Variants in CHN2 observed in about 807,000 individuals in gnomAD.
The protein encoded by CHN2 is chimerin 2.
A neutral mutation model predicts 56.3 loss-of-function variants in CHN2; 35 were observed. The ratio of observed to expected loss-of-function variants is 0.62; its 90% CI spans 0.47 to 0.82. The LOEUF (loss-of-function observed/expected upper bound fraction) is 0.82, where lower values mean the gene tolerates loss of function less well. CHN2 is among the 40% of genes least tolerant of loss of function. The pLI, the probability that CHN2 is intolerant of heterozygous loss-of-function variation, is 0.00. For synonymous variants in CHN2, 210 were observed against 212.8 expected, an observed-to-expected ratio of 0.99 and a Z score of 0.12; for missense variants, 491 against 580.5, an observed-to-expected ratio of 0.85 and a Z score of 1.58.
chr7:29,279,559 A>G (rs1791513678), intron 1 of CHN2, among the ~76,000 whole-genome samples: 1 of 152,250 alleles, frequency 6.6e-6, no homozygotes, highest in South Asian at 2.1e-4. Flanking sequence ...AGGTGCTGTA[A>G]TAGAGGTACA....
chr7:29,462,784 C>G (rs544519241), intron 6 of CHN2, among the ~76,000 whole-genome samples: 19 of 152,010 alleles, frequency 1.2e-4, no homozygotes, highest in African/African-American at 4.3e-4. Flanking sequence ...AATTATTATA[C>G]TTTAAGTTTT....
In CHN2 at chr7:29,321,860, C is replaced by T. The variant is rs996482097; in HGVS notation, c.50-32765C>T. ...GCTGGGATACAGGCGTGAGCCACCG[C>T]GCCCAGCCAAACCCACTTTTCTATA... On this transcript the variant is annotated intron_variant, in intron 1 of 12. Coordinates refer to ENST00000222792, the MANE Select transcript of CHN2 (RefSeq NM_004067.4). Among the ~76,000 whole-genome samples the T allele has an allele frequency of 6.6e-5, 10 of 152,126 alleles. No homozygotes were observed. The East Asian group carries it at 7.7e-4, about 12-fold the overall frequency.
At chr7:29,467,140 G>A (rs1362360) in intron 6 of CHN2, among the ~76,000 whole-genome samples, 15,498 of 152,148 alleles carry the variant, frequency 0.1, 913 homozygotes, top group South Asian at 0.2. Flanking sequence ...ATGTTAGAGC[G>A]TGCACAATAT....
intron 6 of CHN2, among the ~76,000 whole-genome samples, chr7:29,440,947 A>G (rs1189993083): frequency 5.3e-5 from 8 of 152,176 alleles, no homozygotes; most frequent in Non-Finnish European, 8.8e-5. Flanking sequence ...ATAGTTGTAT[A>G]TATTTATGAG....
chr7:29,322,913 A>T (rs1795475240), intron 1 of CHN2, among the ~76,000 whole-genome samples: 1 of 152,162 alleles, frequency 6.6e-6, no homozygotes, highest in African/African-American at 2.4e-5. Context: ...CTATAATCCC[A>T]GCACTTCGGG....
intron 2 of CHN2, among the ~76,000 whole-genome samples, chr7:29,358,612 G>A (rs529207359): frequency 4.1e-4 from 63 of 151,928 alleles, no homozygotes; most frequent in Non-Finnish European, 8.1e-4. Context: ...ACAGGCACCC[G>A]CCACTGCGCC....
chr7:29,308,049 A>G (rs40242), intron 1 of CHN2, among the ~76,000 whole-genome samples: 28,331 of 152,226 alleles, frequency 0.19, 2,808 homozygotes, highest in South Asian at 0.3. Context: ...AATAGTGTCT[A>G]CTGGGTATCT....
chr7:29,291,276 A>G (rs545598309), intron 1 of CHN2, among the ~76,000 whole-genome samples: 3 of 152,242 alleles, frequency 2.0e-5, no homozygotes, highest in Non-Finnish European at 4.4e-5. Context: ...TTTTCTATCT[A>G]TTGGGAGCCA....
rs567660767 is a variant in CHN2, at chr7:29,479,566, C to G, written c.577-713C>G. 4 of 674,874 alleles carry G rather than the reference C, an allele frequency of 5.9e-6. No homozygotes were observed. In the East Asian group the frequency reaches 4.9e-4, roughly 83 times the overall value. The allele number at this position is 674,874 out of a possible 1,614,324, so 41.8% of individuals were successfully genotyped here. On this transcript the variant is annotated intron_variant, in intron 6 of 12. Coordinates refer to ENST00000222792, the MANE Select transcript of CHN2 (RefSeq NM_004067.4). ...CAGATTTTTAATAAAGAGACATAGG[C>G]TTTACCCCTATAAGATTAAACAGTC...
At chr7:29,466,317 G>A (rs947198112) in intron 6 of CHN2, among the ~76,000 whole-genome samples, 1 of 151,952 alleles carries the variant, frequency 6.6e-6, no homozygotes, top group Non-Finnish European at 1.5e-5. Flanking sequence ...TAATTTTCTG[G>A]GTGTAGATAA....
At chr7:29,294,723 T>A (rs1308961698) in intron 1 of CHN2, among the ~76,000 whole-genome samples, 6 of 152,228 alleles carry the variant, frequency 3.9e-5, no homozygotes, top group African/African-American at 1.4e-4. Flanking sequence ...ACCACTTTAT[T>A]TTCCCCACAC....
At chr7:29,429,836 T>C (rs1207146802) in intron 6 of CHN2, among the ~76,000 whole-genome samples, 1 of 152,220 alleles carries the variant, frequency 6.6e-6, no homozygotes, top group African/African-American at 2.4e-5. Flanking sequence ...CTTTTGTGCT[T>C]TATATGGACT....
chr7:29,279,014 C>CT (rs1443669931), intron 1 of CHN2, among the ~76,000 whole-genome samples: 1 of 152,134 alleles, frequency 6.6e-6, no homozygotes, highest in Non-Finnish European at 1.5e-5. Context: ...CAACCCCCAC[C>CT]TTCACTCAGG....
At chr7:29,511,365 A>ATACT (rs1261043926) in intron 12 of CHN2, among the ~76,000 whole-genome samples, 2 of 152,222 alleles carry the variant, frequency 1.3e-5, no homozygotes, top group African/African-American at 2.4e-5. Context: ...TAGCTGTAAA[A>ATACT]TACTTATTGT....
intron 6 of CHN2, among the ~76,000 whole-genome samples, chr7:29,425,089 C>T (rs923391166): frequency 3.3e-5 from 5 of 152,260 alleles, no homozygotes; most frequent in African/African-American, 1.2e-4. Context: ...TAACAACCAT[C>T]TCTATGACAG....
intron 7 of CHN2, among the ~76,000 whole-genome samples, chr7:29,485,936 C>A (rs1309912013): frequency 6.6e-6 from 1 of 152,140 alleles, no homozygotes; most frequent in Non-Finnish European, 1.5e-5. Flanking sequence ...CTTCCTTCTT[C>A]CCGATATGGA....
chr7:29,218,225 CTCTT>C (rs1329765892), intron 1 of CHN2, among the ~76,000 whole-genome samples: 1 of 143,640 alleles, frequency 7.0e-6, no homozygotes, highest in Admixed American at 6.9e-5. Context: ...CAGCATGACT[CTCTT>C]TCCTTCTTAC....
At chr7:29,175,115 C>T (rs1385037724) in intron 2 of CHN2, among the ~76,000 whole-genome samples, 2 of 151,872 alleles carry the variant, frequency 1.3e-5, no homozygotes, top group East Asian at 1.9e-4. Flanking sequence ...GGAGTGCTTC[C>T]CCCATACTGT....
chr7:29,150,792 G>A (rs245887), intron 2 of CHN2, among the ~76,000 whole-genome samples: 82,234 of 151,576 alleles, frequency 0.54, 22,753 homozygotes, highest in African/African-American at 0.66. Context: ...TCTTCAATGG[G>A]GCCACCGGGT....
Sources: allele counts gnomAD v4.1 joint callset (sites outside exome capture counted in the v4.1 genomes callset), GRCh38; gene constraint gnomAD v4.1.1; transcripts MANE v1.5; gene names NCBI Gene and HGNC (gene_info 2026-07-23, HGNC 2026-07-21).